The following ZMYND11 variants were observed in gnomAD, a reference collection of about 807,000 sequenced individuals.
The protein encoded by ZMYND11 is zinc finger MYND-type containing 11, also known as zinc finger MYND domain-containing protein 11.
A neutral mutation model predicts 84.9 loss-of-function variants in ZMYND11; 9 were observed. That is an observed-to-expected ratio of 0.11 (90% CI 0.06 to 0.18). The LOEUF (loss-of-function observed/expected upper bound fraction) is 0.18, where lower values mean the gene tolerates loss of function less well. Among genes scored for constraint, ZMYND11 ranks in the 10% least tolerant of loss-of-function variants. ZMYND11 has a pLI of 1.00. For synonymous variants in ZMYND11, 250 were observed against 244.1 expected (o/e 1.02, Z -0.23); for missense variants, 409 against 761.0 (o/e 0.54, Z 5.44).
intron 2 of ZMYND11, among the ~76,000 whole-genome samples, chr10:209,542 A>G (rs182984487): frequency 6.6e-6 from 1 of 152,350 alleles, no homozygotes; most frequent in East Asian, 1.9e-4. Flanking sequence ...AGTAGAAGTT[A>G]GTGGTAATTG....
chr10:189,269 C>A (rs1939666367), intron 2 of ZMYND11, among the ~76,000 whole-genome samples: 1 of 152,154 alleles, frequency 6.6e-6, no homozygotes, highest in South Asian at 2.1e-4. Flanking sequence ...ACTAGGTACA[C>A]ATTATTTCTT....
chr10:193,893 A>T (rs1941083200), intron 2 of ZMYND11, among the ~76,000 whole-genome samples: 1 of 152,190 alleles, frequency 6.6e-6, no homozygotes, highest in Non-Finnish European at 1.5e-5. Flanking sequence ...GTATATTGGT[A>T]GTTCATTTGT....
chr10:136,583 TACC>T (rs1836138894), intron 1 of ZMYND11, among the ~76,000 whole-genome samples: 1 of 152,184 alleles, frequency 6.6e-6, no homozygotes, highest in Admixed American at 6.5e-5. Flanking sequence ...AGGTGCCTGG[TACC>T]CTGCTGCCAT....
rs79959492 is a variant in ZMYND11, at chr10:240,009, G to A, written c.698-47G>A. Reference sequence around the variant, plus strand: ...GAAAAGGATAGTAACTTTGAGTCTTGTATTTGCAGACTATTGCTTATAGGT... The same window carrying A: ...GAAAAGGATAGTAACTTTGAGTCTTATATTTGCAGACTATTGCTTATAGGT... On this transcript the variant is annotated intron_variant, in intron 7 of 14. Coordinates refer to ENST00000381604, the MANE Select transcript of ZMYND11 (RefSeq NM_001370100.5). 2,216 of 1,503,152 alleles carry A rather than the reference G, an allele frequency of 1.5e-3. 97 individuals carry two copies. In the East Asian group the frequency reaches 0.047, roughly 32 times the overall value. 93.1% of individuals were successfully genotyped at this position (1,503,152 alleles called of 1,614,324 possible). A position where few individuals can be genotyped will look rare whatever the true frequency, so the allele number is the denominator to read the frequency against.
At chr10:240,453 A>C (rs1950689217) in intron 8 of ZMYND11, among the ~76,000 whole-genome samples, 1 of 152,224 alleles carries the variant, frequency 6.6e-6, no homozygotes, top group Admixed American at 6.5e-5. Flanking sequence ...GCAGTGAGCC[A>C]AGATTGCGCC....
chr10:240,764 T>TCCATG, intron 8 of ZMYND11, 129 bp from the exon 9 acceptor site: 1 of 737,016 alleles, frequency 1.4e-6, no homozygotes, highest in South Asian at 2.0e-5. Flanking sequence ...AAATTTAGGC[T>TCCATG]TAAAAGATTA....
At chr10:139,110 A>G (rs565280673) in intron 1 of ZMYND11, among the ~76,000 whole-genome samples, 3 of 152,346 alleles carry the variant, frequency 2.0e-5, no homozygotes, top group Admixed American at 6.5e-5. Flanking sequence ...CTGGCCTATC[A>G]TTACTTTGAT....
intron 2 of ZMYND11, among the ~76,000 whole-genome samples, chr10:192,654 C>A (rs754851715): frequency 3.4e-4 from 52 of 152,228 alleles, no homozygotes; most frequent in Non-Finnish European, 6.5e-4. Flanking sequence ...TCAAGAAGGG[C>A]CACCTCCGTC....
chr10:221,389 G>C (rs748085401), intron 4 of ZMYND11, 33 bp downstream of exon 4: 3 of 1,600,814 alleles, frequency 1.9e-6, no homozygotes, highest in East Asian at 4.5e-5. Context: ...GTGCTGGTTA[G>C]AGGGTTGGAA....
At chr10:238,869 C>T (rs1340330220) in intron 6 of ZMYND11, among the ~76,000 whole-genome samples, 1 of 152,160 alleles carries the variant, frequency 6.6e-6, no homozygotes, top group Non-Finnish European at 1.5e-5. Flanking sequence ...TCCCCACTGC[C>T]TTTACTCATG....
chr10:158,984 G>GGTTTTTTTT (rs1554760453), intron 1 of ZMYND11, among the ~76,000 whole-genome samples: 3 of 40,024 alleles, frequency 7.5e-5, no homozygotes, highest in African/African-American at 2.3e-4. Context: ...AGGGTTTTTT[G>GGTTTTTTTT]TTTTTTGTTT....
intron 3 of ZMYND11, among the ~76,000 whole-genome samples, chr10:211,771 TAAG>T (rs1272771604): frequency 6.6e-6 from 1 of 152,196 alleles, no homozygotes; most frequent in African/African-American, 2.4e-5. Flanking sequence ...AATCTTTATA[TAAG>T]AAGAATTTTT....
At chr10:139,704 CTTTTTTTT>C (rs67915368) in intron 1 of ZMYND11, among the ~76,000 whole-genome samples, 5 of 80,238 alleles carry the variant, frequency 6.2e-5, no homozygotes, top group African/African-American at 9.8e-5. Flanking sequence ...ACACATGGTC[CTTTTTTTT>C]TTTTTTTTTT....
At chr10:238,696 AT>A (rs1389434874) in intron 6 of ZMYND11, among the ~76,000 whole-genome samples, 3 of 152,180 alleles carry the variant, frequency 2.0e-5, no homozygotes, top group Non-Finnish European at 4.4e-5. Context: ...TGGCTGTATT[AT>A]TTCAATATAA....
chr10:234,530 C>G (rs1323538634), intron 4 of ZMYND11, among the ~76,000 whole-genome samples: 2 of 152,232 alleles, frequency 1.3e-5, no homozygotes, highest in Non-Finnish European at 2.9e-5. Context: ...TATAACCCCA[C>G]TGATAGTATT....
chr10:173,762 C>T (rs193016041), intron 1 of ZMYND11, among the ~76,000 whole-genome samples: 20 of 152,092 alleles, frequency 1.3e-4, no homozygotes, highest in Admixed American at 1.1e-3. Context: ...GGCTGGACAC[C>T]TCACCAAAGA....
At position 237,434 on chromosome 10, in the gene ZMYND11, G is replaced by C. The variant is rs546636957; in HGVS notation, c.517-151G>C. 5.4e-4 allele frequency: 246 copies of C among 457,892 alleles called. 8 individuals are homozygous for C. In the South Asian group the frequency reaches 9.2e-3, roughly 17 times the overall value. 28.4% of individuals were successfully genotyped at this position (457,892 alleles called of 1,614,324 possible). ...AAGGCAGGAGGATTGCTTGAGCCCA[G>C]GAGTTCAAGACCAGCCTGGGCAAGA... is the stretch of plus-strand genomic sequence containing the variant. On this transcript the variant is annotated intron_variant, in intron 5 of 14. Coordinates refer to ENST00000381604, the MANE Select transcript of ZMYND11 (RefSeq NM_001370100.5).
At chr10:249,815 A>G (rs1952976938) in intron 14 of ZMYND11, 6 of 941,798 alleles carry the variant, frequency 6.4e-6, no homozygotes, top group Admixed American at 6.2e-5. Flanking sequence ...TATCAAGCCT[A>G]TATTATATAA....
intron 4 of ZMYND11, among the ~76,000 whole-genome samples, chr10:236,199 T>C (rs1389940149): frequency 2.0e-5 from 3 of 152,238 alleles, no homozygotes; most frequent in Non-Finnish European, 2.9e-5. Context: ...TAGGCACACT[T>C]GTCCTTGTTT....
Sources: allele counts gnomAD v4.1 joint callset (sites outside exome capture counted in the v4.1 genomes callset), GRCh38; gene constraint gnomAD v4.1.1; transcripts MANE v1.5; gene names NCBI Gene and HGNC (gene_info 2026-07-23, HGNC 2026-07-21).